Variants in MYO18A observed in about 807,000 individuals in gnomAD.
MYO18A encodes the protein myosin XVIIIA, also known as unconventional myosin-XVIIIa.
Under a neutral mutation model 235.8 loss-of-function variants are expected in MYO18A, and 78 were observed. The ratio of observed to expected loss-of-function variants is 0.33; its 90% CI spans 0.28 to 0.40. The LOEUF is 0.40. MYO18A is among the 10% of genes least tolerant of loss of function. The pLI is 1.00. For missense variants in MYO18A, 2,215 were observed against 2,699.3 expected, an observed-to-expected ratio of 0.82 and a Z score of 3.98; for synonymous variants, 977 against 1,077.8, an observed-to-expected ratio of 0.91 and a Z score of 1.83.
In MYO18A at chr17:29,166,555, T is replaced by C; in HGVS notation, c.386A>G (p.Lys129Arg). ...QRAAKFGSLA[K>R]QNSQMIVKRF... ...CTTGACAATCATCTGTGAGTTCTGCTTGGCCAGTGAGCCGAACTTGGCTGC... is the reference window on the plus strand; with the variant it reads ...CTTGACAATCATCTGTGAGTTCTGCCTGGCCAGTGAGCCGAACTTGGCTGC... Residue 129 changes from lysine (K) to arginine (R), a missense_variant, in exon 2 of 42, where the codon AAG becomes AGG. Lys to Arg is a conservative substitution (Grantham distance 26, BLOSUM62 2). Transcript: ENST00000527372. The C allele has an allele frequency of 1.2e-6, 2 of 1,613,834 alleles. No individual in the cohort carries two copies. Among genetic ancestry groups the C allele is most frequent in the Non-Finnish European group, 1.7e-6 (2 of 1,179,872 alleles).
intron 12 of MYO18A, 46 bp from the exon 13 acceptor site, chr17:29,115,487 C>A: frequency 1.9e-6 from 3 of 1,589,486 alleles, no homozygotes; most frequent in South Asian, 1.1e-5. Flanking sequence ...CCCAGGGCTC[C>A]CCATCTGGGT....
chr17:29,165,789 G>T (rs1173299241), intron 2 of MYO18A, among the ~76,000 whole-genome samples, 153 bp downstream of exon 2: 1 of 152,164 alleles, frequency 6.6e-6, no homozygotes, highest in Non-Finnish European at 1.5e-5. Context: ...CTGAGTTCAT[G>T]CTTCCCCACA....
chr17:29,081,200 A>G (rs1326973543), intron 41 of MYO18A, among the ~76,000 whole-genome samples: 1 of 152,198 alleles, frequency 6.6e-6, no homozygotes, highest in African/African-American at 2.4e-5. Flanking sequence ...ATGAAGCAAA[A>G]TAATTTGCGT....
At chr17:29,087,967 C>T (rs188093486) in intron 37 of MYO18A, among the ~76,000 whole-genome samples, 8 of 151,940 alleles carry the variant, frequency 5.3e-5, no homozygotes, top group Non-Finnish European at 4.4e-5. Flanking sequence ...TGACCTTAGG[C>T]AACCCACTTA....
At chr17:29,178,283 G>A (rs997891714) in intron 1 of MYO18A, among the ~76,000 whole-genome samples, 1 of 152,132 alleles carries the variant, frequency 6.6e-6, no homozygotes, top group African/African-American at 2.4e-5. Context: ...CCTGGGCCAG[G>A]CCAGGAGAGA....
intron 2 of MYO18A, chr17:29,127,913 G>A (rs981243609): frequency 3.0e-6 from 3 of 993,628 alleles, no homozygotes; most frequent in South Asian, 4.4e-5. Context: ...GTCTGACTTC[G>A]GGCCGGTGGA....
chr17:29,088,146 C>T (rs866128182), intron 37 of MYO18A, among the ~76,000 whole-genome samples: 3 of 151,286 alleles, frequency 2.0e-5, no homozygotes, highest in South Asian at 2.1e-4. Context: ...CTCCGCCCCC[C>T]GGGGTTCACG....
In MYO18A at chr17:29,119,405, G is replaced by A. The variant is rs200838366; in HGVS notation, c.1759C>T (p.Arg587Trp). ...TMLLEKLRVARRPASEATFNV... is the reference protein window; with the variant it reads ...TMLLEKLRVAWRPASEATFNV... ...AATGTGGCTTCACTGGCTGGGCGCC[G>A]AGCCACACGCAGCTTCTCCAGAAGC... is the stretch of plus-strand genomic sequence containing the variant. The change falls in exon 8 of 42, where the codon CGG (arginine) becomes TGG (tryptophan). Residue 587 changes from arginine to tryptophan, a missense_variant. Transcript: ENST00000527372. 3.0e-3 allele frequency: 4,847 copies of A among 1,611,354 alleles called. 29 individuals carry two copies. The highest frequency in any genetic ancestry group is 2.3e-3 in the Non-Finnish European group (2,758 of 1,179,196).
At chr17:29,150,543 C>A (rs2067944521) in intron 2 of MYO18A, among the ~76,000 whole-genome samples, 1 of 152,230 alleles carries the variant, frequency 6.6e-6, no homozygotes. Context: ...TGCCACCATC[C>A]CCTGCCTTAC....
intron 41 of MYO18A, chr17:29,081,030 G>A: frequency 2.0e-6 from 2 of 983,006 alleles, no homozygotes; most frequent in Non-Finnish European, 2.4e-6. Context: ...GGGAGGATGC[G>A]AGAACCAGAC....
chr17:29,107,915 CA>C (rs34077783), intron 19 of MYO18A, among the ~76,000 whole-genome samples: 9,786 of 76,422 alleles, frequency 0.13, 460 homozygotes, highest in African/African-American at 0.22. Context: ...GACTGTGTCT[CA>C]AAAAAAAAAA....
chr17:29,149,329 A>G (rs1455562384), intron 2 of MYO18A, among the ~76,000 whole-genome samples: 1 of 152,404 alleles, frequency 6.6e-6, no homozygotes, highest in Middle Eastern at 3.4e-3. Flanking sequence ...GAATGAATAC[A>G]TGAATGCAAG....
chr17:29,084,319 G>A (rs1040390159), intron 40 of MYO18A, among the ~76,000 whole-genome samples: 1 of 152,194 alleles, frequency 6.6e-6, no homozygotes, highest in African/African-American at 2.4e-5. Context: ...GAAACACACA[G>A]GGGACAGACA....
rs548988614 is a variant in MYO18A, at chr17:29,104,248, C to A, written c.3442-584G>T. Among the ~76,000 whole-genome samples the A allele has an allele frequency of 4.6e-5, 7 of 152,188 alleles. No individual in the cohort carries two copies. In the South Asian group the frequency reaches 1.5e-3, roughly 32 times the overall value. ...TGGCAAATGGGTAGATGGATGGAGA[C>A]CCACCCCACTTAGGCAGTAATCCAC... is the stretch of plus-strand genomic sequence containing the variant. On this transcript the variant is annotated intron_variant, in intron 20 of 41. Coordinates refer to ENST00000527372, the MANE Select transcript of MYO18A (RefSeq NM_078471.4).
intron 41 of MYO18A, chr17:29,079,871 A>T (rs2066088802): frequency 1.0e-6 from 1 of 985,854 alleles, no homozygotes; most frequent in Non-Finnish European, 1.2e-6. Context: ...TTCACACTGG[A>T]GCAGCTGTGG....
At chr17:29,132,363 A>C (rs1028237761) in intron 2 of MYO18A, among the ~76,000 whole-genome samples, 2 of 152,094 alleles carry the variant, frequency 1.3e-5, no homozygotes, top group African/African-American at 4.8e-5. Flanking sequence ...CTTTCCCCTC[A>C]CCAGTATCTC....
Position 29,074,038 on chromosome 17 carries a change from A to G in MYO18A, c.*732T>C. On this transcript the variant is annotated 3_prime_UTR_variant, in exon 42 of 42. Coordinates refer to ENST00000527372, the MANE Select transcript of MYO18A (RefSeq NM_078471.4). The surrounding 1 kb of genome is among the most constrained non-coding windows in gnomAD (Gnocchi z 4.4). ...TGGGGGCTGGAGGTGCGGATGGTCC[A>G]CACACACACTTGTCTGCGTAGGCTT... 6.2e-7 allele frequency: 1 copy of G among 1,613,916 alleles called. No individual in the cohort carries two copies. Among genetic ancestry groups the G allele is most frequent in the South Asian group, 1.1e-5 (1 of 91,062 alleles).
At chr17:29,087,681 T>C (rs2066288154) in intron 37 of MYO18A, among the ~76,000 whole-genome samples, 1 of 152,172 alleles carries the variant, frequency 6.6e-6, no homozygotes, top group Non-Finnish European at 1.5e-5. Context: ...AGGGGCTGAA[T>C]GTGAGGGAAG....
rs777447731 is a variant in MYO18A, at chr17:29,120,774, C to A, written c.1586-16G>T. ...CACTTCTCCACTGCAGAATACAGGCCCAAGGGGATATCAGGAAAGCCAGGG... is the reference window on the plus strand; with the variant it reads ...CACTTCTCCACTGCAGAATACAGGCACAAGGGGATATCAGGAAAGCCAGGG... On this transcript the variant is annotated splice_polypyrimidine_tract_variant and intron_variant, in intron 6 of 41. Transcript: ENST00000527372. The surrounding 1 kb of genome is among the most constrained non-coding windows in gnomAD (Gnocchi z 4.2). The A allele has an allele frequency of 8.7e-6, 14 of 1,607,212 alleles. No homozygotes were observed. The highest frequency in any genetic ancestry group is 3.4e-5 in the Admixed American group (2 of 59,288).
Sources: allele counts gnomAD v4.1 joint callset (sites outside exome capture counted in the v4.1 genomes callset), GRCh38; gene constraint gnomAD v4.1.1; non-coding constraint Gnocchi (gnomAD v3.1); transcripts MANE v1.5; gene names NCBI Gene and HGNC (gene_info 2026-07-23, HGNC 2026-07-21).